Variants in ACTR3B observed in about 807,000 individuals in gnomAD.
The protein encoded by ACTR3B is actin related protein 3B.
Under a neutral mutation model 59.0 loss-of-function variants are expected in ACTR3B, and 8 were observed. That is an observed-to-expected ratio of 0.14 (90% CI 0.08 to 0.24). ACTR3B has a LOEUF of 0.24. Among genes scored for constraint, ACTR3B ranks in the 10% least tolerant of loss-of-function variants. The pLI, the probability that ACTR3B is intolerant of heterozygous loss-of-function variation, is 1.00. For synonymous variants in ACTR3B, 148 were observed against 197.9 expected, an observed-to-expected ratio of 0.75 and a Z score of 2.12; for missense variants, 245 against 552.3, an observed-to-expected ratio of 0.44 and a Z score of 5.58.
At chr7:152,822,972 T>C (rs1187259746) in intron 7 of ACTR3B, among the ~76,000 whole-genome samples, 8 of 152,184 alleles carry the variant, frequency 5.3e-5, no homozygotes, top group South Asian at 2.1e-4. Context: ...GCTGGTCCAG[T>C]GTGGACCACA....
At chr7:152,822,960 C>A (rs1042491078) in intron 7 of ACTR3B, among the ~76,000 whole-genome samples, 12 of 152,196 alleles carry the variant, frequency 7.9e-5, no homozygotes, top group Non-Finnish European at 1.8e-4. Flanking sequence ...CAGCACGGGT[C>A]CGCTGGTCCA....
At chr7:152,794,253 C>G (rs2098207805) in intron 2 of ACTR3B, among the ~76,000 whole-genome samples, 2 of 152,084 alleles carry the variant, frequency 1.3e-5, no homozygotes, top group African/African-American at 4.8e-5. Context: ...GAGTCTTGCT[C>G]TGTTGCCAGG....
intron 1 of ACTR3B, among the ~76,000 whole-genome samples, chr7:152,763,832 A>G (rs2948955): frequency 3.3e-5 from 5 of 152,156 alleles, no homozygotes; most frequent in African/African-American, 1.2e-4. Context: ...TATTTTAAGG[A>G]AGAACTTATC....
chr7:152,823,553 T>C (rs976063951), intron 8 of ACTR3B, 38 bp downstream of exon 8: 2 of 1,605,436 alleles, frequency 1.2e-6, no homozygotes, highest in African/African-American at 2.7e-5. Flanking sequence ...AAGTGTGGGA[T>C]GGAGCGATAC....
chr7:152,800,809 A>T lies in ACTR3B; in HGVS notation c.225+154A>T, dbSNP rs2098233281. On this transcript the variant is annotated intron_variant, in intron 3 of 11. Coordinates refer to ENST00000256001, the MANE Select transcript of ACTR3B (RefSeq NM_020445.6). ...AGGTGGTGGTGATGGTTGGTTTTGA[A>T]TGGGGGTATTTTTGATTGGAGAATT... is the stretch of plus-strand genomic sequence containing the variant. Among the ~76,000 whole-genome samples, 3 of 151,756 alleles carry T rather than the reference A, an allele frequency of 2.0e-5. No homozygotes were observed. In the South Asian group the frequency reaches 6.2e-4, roughly 31 times the overall value.
intron 6 of ACTR3B, among the ~76,000 whole-genome samples, chr7:152,817,214 G>C (rs1246867384): frequency 6.6e-6 from 1 of 152,174 alleles, no homozygotes; most frequent in Non-Finnish European, 1.5e-5. Flanking sequence ...GAGAAACCCT[G>C]TCTCTACTAC....
chr7:152,848,266 G>A (rs940261), intron 9 of ACTR3B, among the ~76,000 whole-genome samples: 82,322 of 152,012 alleles, frequency 0.54, 23,889 homozygotes, highest in East Asian at 0.69. Flanking sequence ...CTCCTACACT[G>A]CGGTGGGCCA....
At chr7:152,792,544 TG>T (rs2098200287) in intron 2 of ACTR3B, among the ~76,000 whole-genome samples, 1 of 151,870 alleles carries the variant, frequency 6.6e-6, no homozygotes, top group Non-Finnish European at 1.5e-5. Flanking sequence ...GGTCAAGAAT[TG>T]AGACCATCCT....
chr7:152,803,024 T>G (rs1466468259), intron 4 of ACTR3B, among the ~76,000 whole-genome samples: 8 of 152,132 alleles, frequency 5.3e-5, no homozygotes, highest in Non-Finnish European at 1.5e-5. Flanking sequence ...CCATAGTGGT[T>G]TATTTTATTT....
At chr7:152,851,016 A>G (rs1274256798) in intron 9 of ACTR3B, among the ~76,000 whole-genome samples, 1 of 152,220 alleles carries the variant, frequency 6.6e-6, no homozygotes, top group East Asian at 1.9e-4. Flanking sequence ...TTCAATCAGG[A>G]GATACACTAG....
intron 9 of ACTR3B, among the ~76,000 whole-genome samples, chr7:152,851,132 C>T (rs1470808138): frequency 6.6e-6 from 1 of 152,144 alleles, no homozygotes; most frequent in African/African-American, 2.4e-5. Flanking sequence ...ACATACATAC[C>T]TATGATAAAG....
At chr7:152,802,178 G>A (rs2098238894) in intron 4 of ACTR3B, among the ~76,000 whole-genome samples, 1 of 152,006 alleles carries the variant, frequency 6.6e-6, no homozygotes, top group Non-Finnish European at 1.5e-5. Context: ...GCCTAACCTG[G>A]TTAGAGCAAT....
intron 1 of ACTR3B, among the ~76,000 whole-genome samples, chr7:152,782,659 C>T (rs977862673): frequency 1.8e-4 from 27 of 151,380 alleles, no homozygotes; most frequent in Non-Finnish European, 3.5e-4. Context: ...ATTTTCTAAC[C>T]GCCGCCCCCC....
chr7:152,822,029 AC>A (rs1796209739), intron 7 of ACTR3B, among the ~76,000 whole-genome samples: 1 of 152,228 alleles, frequency 6.6e-6, no homozygotes. Context: ...TAGGATGTTG[AC>A]CAGGCCTGTG....
intron 9 of ACTR3B, among the ~76,000 whole-genome samples, chr7:152,837,666 T>C (rs1169640645): frequency 1.3e-5 from 2 of 152,238 alleles, no homozygotes; most frequent in African/African-American, 2.4e-5. Flanking sequence ...GAATACATTT[T>C]AGGAATGAGA....
intron 9 of ACTR3B, among the ~76,000 whole-genome samples, chr7:152,843,299 GA>G (rs1472300765): frequency 6.6e-6 from 1 of 152,180 alleles, no homozygotes; most frequent in African/African-American, 2.4e-5. Flanking sequence ...GTTTTTCAAA[GA>G]AATTTTGTAC....
intron 9 of ACTR3B, among the ~76,000 whole-genome samples, chr7:152,830,035 A>C (rs1202170752): frequency 6.6e-6 from 1 of 152,222 alleles, no homozygotes; most frequent in Non-Finnish European, 1.5e-5. Context: ...GAACCACTAC[A>C]AGCTAAATGT....
chr7:152,853,628 G>A (rs759853659), intron 11 of ACTR3B, 51 bp downstream of exon 11: 5 of 1,528,586 alleles, frequency 3.3e-6, no homozygotes, highest in South Asian at 1.2e-5. Flanking sequence ...GCTCTCGGTT[G>A]AGTTTGGGTA....
chr7:152,852,868 A>T (rs538345441), intron 10 of ACTR3B, among the ~76,000 whole-genome samples: 28 of 147,684 alleles, frequency 1.9e-4, no homozygotes, highest in Admixed American at 4.0e-4. Flanking sequence ...CTCGGCTCAT[A>T]GCAAGCTCTG....
Sources: allele counts gnomAD v4.1 joint callset (sites outside exome capture counted in the v4.1 genomes callset), GRCh38; gene constraint gnomAD v4.1.1; transcripts MANE v1.5; gene names NCBI Gene and HGNC (gene_info 2026-07-23, HGNC 2026-07-21).